FBXO42: variants seen among roughly 807,000 people sequenced by gnomAD.
The protein encoded by FBXO42 is F-box protein 42, also known as F-box only protein 42.
Under a neutral mutation model 71.7 loss-of-function variants are expected in FBXO42, and 12 were observed. The observed-to-expected ratio is 0.17, with a 90% confidence interval of 0.11 to 0.27. The LOEUF (loss-of-function observed/expected upper bound fraction) is 0.27, where lower values mean the gene tolerates loss of function less well. FBXO42 is among the 10% of genes least tolerant of loss of function. The probability of loss-of-function intolerance (pLI) is 1.00; values close to 1 mark genes in which losing one functional copy is unlikely to be tolerated. For missense variants in FBXO42, 707 were observed against 911.9 expected (o/e 0.78, Z 2.89); for synonymous variants, 325 against 327.5 (o/e 0.99, Z 0.08).
intron 4 of FBXO42, among the ~76,000 whole-genome samples, chr1:16,281,715 G>A (rs561927455): frequency 7.2e-4 from 108 of 150,068 alleles, no homozygotes; most frequent in African/African-American, 2.5e-3. Flanking sequence ...CTGGAGTGCA[G>A]TGGCAATCTT....
Position 16,333,320 on chromosome 1 carries a change from C to T in FBXO42, c.-17-17885G>A, listed in dbSNP as rs187078611. ...TTATTAACCACTTGCCTAATTAAAA[C>T]CCACATTAAGAGCCAGGAGTGGTGG... On this transcript the variant is annotated intron_variant, in intron 1 of 9. Transcript: ENST00000375592. Among the ~76,000 whole-genome samples the T allele has an allele frequency of 1.8e-3, 277 of 152,180 alleles. 3 individuals are homozygous for T. The highest frequency in any genetic ancestry group is 0.013 in the South Asian group (61 of 4,828).
chr1:16,323,728 T>C (rs532054206), intron 1 of FBXO42, among the ~76,000 whole-genome samples: 49 of 141,636 alleles, frequency 3.5e-4, no homozygotes, highest in African/African-American at 1.3e-3. Context: ...AGGCGGAGAT[T>C]GCAGTGAGCC....
chr1:16,342,203 C>T (rs1423813693), intron 1 of FBXO42, among the ~76,000 whole-genome samples: 2 of 151,828 alleles, frequency 1.3e-5, no homozygotes. Context: ...TCAAGACCAG[C>T]TTGACCAACA....
intron 1 of FBXO42, among the ~76,000 whole-genome samples, chr1:16,317,525 T>C (rs1012361958): frequency 7.9e-5 from 12 of 151,954 alleles, no homozygotes; most frequent in African/African-American, 2.9e-4. Flanking sequence ...GAACCTGGGA[T>C]GCAGAGGTTG....
At chr1:16,287,651 T>G (rs551996715) in intron 4 of FBXO42, among the ~76,000 whole-genome samples, 3 of 152,290 alleles carry the variant, frequency 2.0e-5, no homozygotes, top group African/African-American at 7.2e-5. Flanking sequence ...GGTCTTGAAC[T>G]CAAGCCATCC....
intron 1 of FBXO42, among the ~76,000 whole-genome samples, chr1:16,318,856 C>G (rs2082391764): frequency 6.6e-6 from 1 of 152,068 alleles, no homozygotes; most frequent in Non-Finnish European, 1.5e-5. Context: ...TAGTACTGGG[C>G]AGAAAGGGCA....
In FBXO42 at chr1:16,250,616, C is replaced by T; in HGVS notation, c.*54G>A. ...CCAATTCTCAGTCCAAATGCTTACA[C>T]ACTGGAAAATTCCAAATTAAAAGCC... On this transcript the variant is annotated 3_prime_UTR_variant, in exon 10 of 10. Transcript: ENST00000375592. The surrounding 1 kb of genome is among the most constrained non-coding windows in gnomAD (Gnocchi z 4.7). 1.9e-6 allele frequency: 3 copies of T among 1,560,024 alleles called. No individual in the cohort carries two copies. Among genetic ancestry groups the T allele is most frequent in the South Asian group, 1.2e-5 (1 of 81,140 alleles).
chr1:16,320,689 C>T (rs943250718), intron 1 of FBXO42, among the ~76,000 whole-genome samples: 14 of 150,470 alleles, frequency 9.3e-5, no homozygotes, highest in Admixed American at 2.7e-4. Context: ...ATGGGAGTCT[C>T]GCTCTGTGCC....
chr1:16,329,811 T>C, intron 1 of FBXO42, among the ~76,000 whole-genome samples: 1 of 151,930 alleles, frequency 6.6e-6, no homozygotes, highest in East Asian at 1.9e-4. Flanking sequence ...TAGCTGGGCA[T>C]GGTGGTGCGC....
chr1:16,350,757 A>AAAAGAAAG (rs559971807), intron 1 of FBXO42, among the ~76,000 whole-genome samples: 1,683 of 44,300 alleles, frequency 0.038, 87 homozygotes, highest in Middle Eastern at 0.081. Context: ...AAAAAAAAAA[A>AAAAGAAAG]AAAGAAAGAA....
intron 1 of FBXO42, among the ~76,000 whole-genome samples, chr1:16,335,412 A>G (rs1335017311): frequency 2.0e-5 from 3 of 152,214 alleles, no homozygotes; most frequent in Admixed American, 1.3e-4. Context: ...TGCTGGAATT[A>G]CAGGTGTGAG....
chr1:16,308,518 T>TTTTG (rs1557595233), intron 2 of FBXO42, among the ~76,000 whole-genome samples: 8 of 143,240 alleles, frequency 5.6e-5, no homozygotes, highest in Non-Finnish European at 7.6e-5. Context: ...TTTTTTCCTT[T>TTTTG]AGACTGAGTC....
rs2081608509 is a variant in FBXO42 at position 16,253,135 on chromosome 1, T to C, written c.882A>G (p.Ala294=). ...GGQSQIVIDD[A]TILILGGCGG... is the part of the protein sequence containing the mutation. The stretch of plus-strand genomic sequence containing the variant: ...CACACCCTCCGAGGATTAAGATAGT[T>C]GCATCATCTATGACAATCTGAGGAG... The change falls in exon 8 of 10, where the codon GCA becomes GCG. Residue 294 remains alanine (A), a synonymous_variant. Transcript: ENST00000375592. The C allele has an allele frequency of 1.2e-6, 2 of 1,613,630 alleles. No homozygotes were observed.
At chr1:16,278,270 C>T (rs1347128033) in intron 4 of FBXO42, among the ~76,000 whole-genome samples, 2 of 151,566 alleles carry the variant, frequency 1.3e-5, no homozygotes, top group Admixed American at 6.6e-5. Flanking sequence ...GCAGGAGAAT[C>T]GCTTGAACCC....
chr1:16,336,355 T>C (rs560965340), intron 1 of FBXO42, among the ~76,000 whole-genome samples: 2 of 151,740 alleles, frequency 1.3e-5, no homozygotes, highest in South Asian at 4.2e-4. Context: ...TGCCCTTTTT[T>C]GTTTGTTTTT....
intron 2 of FBXO42, among the ~76,000 whole-genome samples, chr1:16,307,477 C>A (rs7539222): frequency 6.6e-6 from 1 of 151,662 alleles, no homozygotes; most frequent in Non-Finnish European, 1.5e-5. Flanking sequence ...TGCCACTGCA[C>A]TCCAGCCTGG....
intron 1 of FBXO42, among the ~76,000 whole-genome samples, chr1:16,330,680 G>T (rs184358356): frequency 6.6e-6 from 1 of 152,042 alleles, no homozygotes; most frequent in Non-Finnish European, 1.5e-5. Context: ...GGTGGCTCAC[G>T]CCTGTAATCT....
chr1:16,314,293 G>A (rs1478556082), intron 2 of FBXO42, among the ~76,000 whole-genome samples: 1 of 152,198 alleles, frequency 6.6e-6, no homozygotes, highest in Non-Finnish European at 1.5e-5. Context: ...TAGGGTCTTT[G>A]CTGTTTAGAG....
intron 4 of FBXO42, among the ~76,000 whole-genome samples, chr1:16,264,108 G>A (rs934914869): frequency 3.9e-5 from 6 of 152,094 alleles, no homozygotes; most frequent in African/African-American, 1.4e-4. Flanking sequence ...ACCATGCCAG[G>A]CCAACAATAA....
Sources: allele counts gnomAD v4.1 joint callset (sites outside exome capture counted in the v4.1 genomes callset), GRCh38; gene constraint gnomAD v4.1.1; non-coding constraint Gnocchi (gnomAD v3.1); transcripts MANE v1.5; gene names NCBI Gene and HGNC (gene_info 2026-07-23, HGNC 2026-07-21).